PBX3: variants seen among roughly 807,000 people sequenced by gnomAD.
PBX3 encodes pre-B-cell leukemia transcription factor 3.
A neutral mutation model predicts 48.5 loss-of-function variants in PBX3; 14 were observed. The observed-to-expected ratio is 0.29, with a 90% CI of 0.19 to 0.45. PBX3 has a LOEUF of 0.45. PBX3 is among the 20% of genes least tolerant of loss of function. The pLI is 1.00. For synonymous variants in PBX3, 210 were observed against 200.3 expected (o/e 1.05, Z -0.41); for missense variants, 386 against 546.7 (o/e 0.71, Z 2.93).
chr9:125,828,438 G>A (rs1838866848), intron 2 of PBX3, among the ~76,000 whole-genome samples: 1 of 152,146 alleles, frequency 6.6e-6, no homozygotes, highest in Non-Finnish European at 1.5e-5. Flanking sequence ...AGGGAGATGG[G>A]AATGAATACA....
At chr9:125,958,943 A>G (rs945310198) in intron 5 of PBX3, among the ~76,000 whole-genome samples, 2 of 152,150 alleles carry the variant, frequency 1.3e-5, no homozygotes, top group Admixed American at 6.5e-5. Context: ...GTTGGAGGAG[A>G]AGGAGTATAA....
intron 2 of PBX3, among the ~76,000 whole-genome samples, chr9:125,765,859 T>TA (rs1836790141): frequency 6.6e-6 from 1 of 152,124 alleles, no homozygotes; most frequent in Non-Finnish European, 1.5e-5. Flanking sequence ...TAAGATGAAG[T>TA]AAGGAGTATT....
chr9:125,761,857 C>T (rs550428488), intron 2 of PBX3, among the ~76,000 whole-genome samples: 10 of 152,134 alleles, frequency 6.6e-5, no homozygotes, highest in African/African-American at 1.4e-4. Flanking sequence ...AGACTGGTAC[C>T]GAGTAGAGGC....
intron 2 of PBX3, among the ~76,000 whole-genome samples, chr9:125,795,434 A>C (rs1412556018): frequency 6.6e-6 from 1 of 152,196 alleles, no homozygotes. Context: ...TTTTACTGAT[A>C]TTATATTCTT....
At chr9:125,785,653 A>T (rs1044833715) in intron 2 of PBX3, among the ~76,000 whole-genome samples, 6 of 152,240 alleles carry the variant, frequency 3.9e-5, no homozygotes, top group Admixed American at 2.0e-4. Context: ...CCTCGTGATC[A>T]TGTGAGTCAA....
intron 2 of PBX3, among the ~76,000 whole-genome samples, chr9:125,773,524 G>A (rs527492956): frequency 6.6e-6 from 1 of 152,286 alleles, no homozygotes; most frequent in African/African-American, 2.4e-5. Context: ...TGAACTCAGG[G>A]CAGAGATACT....
chr9:125,866,519 A>T (rs1178189209), intron 2 of PBX3, among the ~76,000 whole-genome samples: 1 of 152,168 alleles, frequency 6.6e-6, no homozygotes, highest in African/African-American at 2.4e-5. Context: ...AGAACAGGTT[A>T]AAAAAGATGA....
chr9:125,755,174 C>A (rs895641814), intron 2 of PBX3, among the ~76,000 whole-genome samples: 1 of 151,986 alleles, frequency 6.6e-6, no homozygotes, highest in Non-Finnish European at 1.5e-5. Context: ...TGGCTTTTTA[C>A]ATTAAAAAAT....
chr9:125,850,648 C>G (rs1348133636), intron 2 of PBX3, among the ~76,000 whole-genome samples: 1 of 151,858 alleles, frequency 6.6e-6, no homozygotes, highest in African/African-American at 2.4e-5. Flanking sequence ...AGAATAAAGT[C>G]AGTATTGTAC....
chr9:125,965,480 C>T (rs936418436), intron 8 of PBX3, among the ~76,000 whole-genome samples: 2 of 152,314 alleles, frequency 1.3e-5, no homozygotes, highest in South Asian at 2.1e-4. Context: ...CCCTGGGTTT[C>T]GCTGAGGCAT....
At chr9:125,922,313 A>C (rs1416219167) in intron 3 of PBX3, among the ~76,000 whole-genome samples, 1 of 152,182 alleles carries the variant, frequency 6.6e-6, no homozygotes, top group African/African-American at 2.4e-5. Flanking sequence ...AACAGATGAA[A>C]TCTTCCATGC....
chr9:125,811,975 C>T (rs1294835260), intron 2 of PBX3, among the ~76,000 whole-genome samples: 1 of 152,164 alleles, frequency 6.6e-6, no homozygotes, highest in African/African-American at 2.4e-5. Flanking sequence ...GCTTCACCCT[C>T]ATGAATTATA....
At chr9:125,953,751 C>T (rs1842242214) in intron 5 of PBX3, among the ~76,000 whole-genome samples, 1 of 147,596 alleles carries the variant, frequency 6.8e-6, no homozygotes, top group Non-Finnish European at 1.5e-5. Flanking sequence ...CCGAATGAGT[C>T]CTGTTTTTAG....
At chr9:125,789,851 A>G (rs1373995068) in intron 2 of PBX3, among the ~76,000 whole-genome samples, 1 of 152,164 alleles carries the variant, frequency 6.6e-6, no homozygotes, top group African/African-American at 2.4e-5. Context: ...AAAAAGTAAG[A>G]ATTTAAGCTT....
intron 5 of PBX3, among the ~76,000 whole-genome samples, chr9:125,956,192 TAGGAA>T (rs1158347922): frequency 6.6e-6 from 1 of 152,244 alleles, no homozygotes; most frequent in African/African-American, 2.4e-5. Flanking sequence ...TCTCATTTTA[TAGGAA>T]AGGAAACACT....
intron 2 of PBX3, among the ~76,000 whole-genome samples, chr9:125,861,514 G>GA (rs201385821): frequency 0.011 from 1,601 of 151,718 alleles, 16 homozygotes; most frequent in Non-Finnish European, 0.015. Flanking sequence ...TATATCTGCA[G>GA]AAAAAAAATC....
intron 3 of PBX3, among the ~76,000 whole-genome samples, chr9:125,917,947 T>C (rs1841370415): frequency 6.6e-6 from 1 of 152,188 alleles, no homozygotes; most frequent in Admixed American, 6.5e-5. Flanking sequence ...TGATTTGACA[T>C]ATGAATAATT....
chr9:125,929,053 A>T (rs1841654027), intron 3 of PBX3, among the ~76,000 whole-genome samples: 3 of 152,222 alleles, frequency 2.0e-5, no homozygotes, highest in Non-Finnish European at 4.4e-5. Context: ...CCTGACTTCC[A>T]TCTTTATCCA....
chr9:125,829,962 A>G (rs571336693), intron 2 of PBX3, among the ~76,000 whole-genome samples: 1 of 152,302 alleles, frequency 6.6e-6, no homozygotes, highest in South Asian at 2.1e-4. Flanking sequence ...AAAAAGCTGA[A>G]CAATCTTGAC....
Sources: allele counts gnomAD v4.1 joint callset (sites outside exome capture counted in the v4.1 genomes callset), GRCh38; gene constraint gnomAD v4.1.1; transcripts MANE v1.5; gene names NCBI Gene and HGNC (gene_info 2026-07-23, HGNC 2026-07-21).